HSD17B12: variants seen among roughly 807,000 people sequenced by gnomAD.
HSD17B12 encodes hydroxysteroid 17-beta dehydrogenase 12.
A neutral mutation model predicts 39.3 loss-of-function variants in HSD17B12; 32 were observed. The ratio of observed to expected loss-of-function variants is 0.81; its 90% confidence interval spans 0.61 to 1.09. HSD17B12 has a LOEUF of 1.09. Among genes scored for constraint, HSD17B12 ranks in the 50% least tolerant of loss-of-function variants. The probability of loss-of-function intolerance (pLI) is 0.00; values close to 1 mark genes in which losing one functional copy is unlikely to be tolerated. For synonymous variants in HSD17B12, 150 were observed against 146.7 expected (o/e 1.02, Z -0.16); for missense variants, 342 against 382.9 (o/e 0.89, Z 0.89).
intron 3 of HSD17B12, among the ~76,000 whole-genome samples, chr11:43,784,637 C>G (rs562720026): frequency 1.3e-5 from 2 of 152,174 alleles, no homozygotes; most frequent in South Asian, 4.2e-4. Context: ...AGGGTGGCAA[C>G]AAAACCTTTT....
intron 1 of HSD17B12, among the ~76,000 whole-genome samples, chr11:43,746,846 G>C (rs552008936): frequency 8.5e-5 from 13 of 152,314 alleles, no homozygotes; most frequent in Non-Finnish European, 1.6e-4. Flanking sequence ...CTAGATGATA[G>C]GAATTTTCCA....
the HSD17B12 span, among the ~76,000 whole-genome samples, chr11:43,605,561 C>CAAAA: frequency 1.3e-5 from 1 of 74,626 alleles, no homozygotes; most frequent in Non-Finnish European, 2.6e-5. Flanking sequence ...AACTCCATCT[C>CAAAA]AAAAAAAAAA....
At chr11:43,809,961 G>A (rs61883824) in intron 4 of HSD17B12, among the ~76,000 whole-genome samples, 8,294 of 152,256 alleles carry the variant, frequency 0.054, 255 homozygotes, top group African/African-American at 0.069. Flanking sequence ...AAGGAAACAG[G>A]AGGGGTTACT....
intron 3 of HSD17B12, among the ~76,000 whole-genome samples, chr11:43,772,175 A>C (rs1228145553): frequency 6.6e-6 from 1 of 152,208 alleles, no homozygotes; most frequent in Non-Finnish European, 1.5e-5. Flanking sequence ...TGAGTCGTTA[A>C]TAGTGAGGAG....
chr11:43,690,400 A>ATTTTTT, intron 1 of HSD17B12, among the ~76,000 whole-genome samples: 1 of 27,164 alleles, frequency 3.7e-5, no homozygotes, highest in South Asian at 1.4e-3. Context: ...ATATATATAT[A>ATTTTTT]TATATTTTTT....
intron 3 of HSD17B12, among the ~76,000 whole-genome samples, chr11:43,765,752 T>G (rs1373214472): frequency 4.6e-5 from 7 of 152,252 alleles, no homozygotes; most frequent in Admixed American, 3.9e-4. Context: ...TCTAATCTGC[T>G]GTTAATTCTG....
chr11:43,767,216 A>G (rs1262581008), intron 3 of HSD17B12, among the ~76,000 whole-genome samples: 1 of 151,712 alleles, frequency 6.6e-6, no homozygotes, highest in African/African-American at 2.4e-5. Context: ...AAAAAAAAAA[A>G]CACTTTTTTT....
chr11:43,693,394 C>G (rs1055051984), intron 1 of HSD17B12, among the ~76,000 whole-genome samples: 4 of 152,178 alleles, frequency 2.6e-5, no homozygotes, highest in Admixed American at 2.6e-4. Context: ...AAACAGTCCT[C>G]TCTATACAAG....
chr11:43,800,907 G>T (rs2135050146), intron 4 of HSD17B12, among the ~76,000 whole-genome samples: 1 of 152,274 alleles, frequency 6.6e-6, no homozygotes, highest in Admixed American at 6.5e-5. Flanking sequence ...GGGAGGCCAA[G>T]GCGAGAGGAT....
chr11:43,581,515 A>G, the HSD17B12 span: 3 of 477,104 alleles, frequency 6.3e-6, no homozygotes, highest in South Asian at 3.0e-5. This position sits in a 1 kb window ranked among gnomAD's most constrained non-coding sequence, Gnocchi z 4.9. Flanking sequence ...CCATCCAGCG[A>G]TCGCCGAAGC....
chr11:43,614,607 T>C, the HSD17B12 span, among the ~76,000 whole-genome samples: 2 of 152,162 alleles, frequency 1.3e-5, no homozygotes, highest in Non-Finnish European at 2.9e-5. Context: ...AAATGGTCAT[T>C]TGGTCTTCAT....
At chr11:43,844,634 G>A (rs1441046329) in intron 9 of HSD17B12, among the ~76,000 whole-genome samples, 1 of 152,116 alleles carries the variant, frequency 6.6e-6, no homozygotes, top group Non-Finnish European at 1.5e-5. Context: ...TAGGTAGTGG[G>A]CCCTAGCCCT....
the HSD17B12 span, among the ~76,000 whole-genome samples, chr11:43,587,120 C>T: frequency 6.6e-6 from 1 of 152,348 alleles, no homozygotes; most frequent in Non-Finnish European, 1.5e-5. Context: ...AGTATCCTCT[C>T]TAGGCCTCAA....
chr11:43,830,848 C>T (rs1261360362), intron 6 of HSD17B12, 128 bp from the exon 7 acceptor site: 5 of 695,868 alleles, frequency 7.2e-6, no homozygotes, highest in Non-Finnish European at 1.2e-5. Context: ...CAGAAAATAA[C>T]CTGCTGTCTG....
At chr11:43,676,271 TAA>T (rs1733476557), upstream of HSD17B12, among the ~76,000 whole-genome samples, 1 of 150,802 alleles carries the variant, frequency 6.6e-6, no homozygotes, top group African/African-American at 2.4e-5. Context: ...CTAAACATGT[TAA>T]GTTTGAAATG....
chr11:43,581,216 C>T, the HSD17B12 span, among the ~76,000 whole-genome samples: 1 of 152,014 alleles, frequency 6.6e-6, no homozygotes, highest in Non-Finnish European at 1.5e-5. This position sits in a 1 kb window ranked among gnomAD's most constrained non-coding sequence, Gnocchi z 4.9. Flanking sequence ...GTTGGGGGAT[C>T]GCGGACGGTC....
chr11:43,725,915 G>A (rs1950216366), intron 1 of HSD17B12, among the ~76,000 whole-genome samples: 1 of 152,078 alleles, frequency 6.6e-6, no homozygotes, highest in African/African-American at 2.4e-5. Flanking sequence ...GGAAGTTTTG[G>A]CAACAGTGCT....
chr11:43,583,960 A>AC, the HSD17B12 span, among the ~76,000 whole-genome samples: 3 of 151,882 alleles, frequency 2.0e-5, no homozygotes, highest in Non-Finnish European at 4.4e-5. Flanking sequence ...AAAAATCAAG[A>AC]CCAGGGGTTA....
At chr11:43,606,690 G>A in the HSD17B12 span, among the ~76,000 whole-genome samples, 6 of 152,188 alleles carry the variant, frequency 3.9e-5, no homozygotes, top group Non-Finnish European at 7.4e-5. Context: ...CTAAGCAGGA[G>A]TCCCTGGAGA....
Sources: allele counts gnomAD v4.1 joint callset (sites outside exome capture counted in the v4.1 genomes callset), GRCh38; gene constraint gnomAD v4.1.1; non-coding constraint Gnocchi (gnomAD v3.1); transcripts MANE v1.5; gene names NCBI Gene and HGNC (gene_info 2026-07-23, HGNC 2026-07-21).